KANK4: variants seen among roughly 807,000 people sequenced by gnomAD.
KANK4 encodes the protein KN motif and ankyrin repeat domain-containing protein 4.
Under a neutral mutation model 80.8 loss-of-function variants are expected in KANK4, and 50 were observed. The ratio of observed to expected loss-of-function variants is 0.62; its 90% CI spans 0.49 to 0.78. KANK4 has a LOEUF of 0.78. Among genes scored for constraint, KANK4 ranks in the 30% least tolerant of loss-of-function variants. The probability of loss-of-function intolerance (pLI) is 0.00; values close to 1 mark genes in which losing one functional copy is unlikely to be tolerated. For synonymous variants in KANK4, 465 were observed against 506.9 expected, an observed-to-expected ratio of 0.92 and a Z score of 1.11; for missense variants, 1,196 against 1,240.1, an observed-to-expected ratio of 0.96 and a Z score of 0.53.
At chr1:62,252,542 C>T (rs906108496) in intron 8 of KANK4, among the ~76,000 whole-genome samples, 3 of 152,220 alleles carry the variant, frequency 2.0e-5, no homozygotes, top group Non-Finnish European at 4.4e-5. Context: ...ATCCTCACAC[C>T]CCTAGGAATG....
chr1:62,281,655 G>A, intron 1 of KANK4, 21 bp from the exon 2 acceptor site: 4 of 1,411,438 alleles, frequency 2.8e-6, no homozygotes, highest in Non-Finnish European at 4.0e-6. Context: ...GGAGGATACA[G>A]AAGTGGTGAG....
At chr1:62,314,297 G>A (rs537636596) in intron 1 of KANK4, among the ~76,000 whole-genome samples, 2 of 152,276 alleles carry the variant, frequency 1.3e-5, no homozygotes, top group East Asian at 3.9e-4. Flanking sequence ...TAAGGTGTGA[G>A]CCACTGCGCC....
chr1:62,254,073 G>A (rs934058786), intron 7 of KANK4, among the ~76,000 whole-genome samples: 1 of 152,156 alleles, frequency 6.6e-6, no homozygotes, highest in African/African-American at 2.4e-5. Flanking sequence ...GGGCCTAGGG[G>A]TCTACTGTGC....
intron 9 of KANK4, among the ~76,000 whole-genome samples, chr1:62,246,107 G>T (rs1671459987): frequency 6.6e-6 from 1 of 152,096 alleles, no homozygotes; most frequent in Non-Finnish European, 1.5e-5. Flanking sequence ...ATTGTTGTGG[G>T]GTTTAAATGA....
At chr1:62,246,552 C>T (rs1049178704) in intron 9 of KANK4, among the ~76,000 whole-genome samples, 1 of 152,062 alleles carries the variant, frequency 6.6e-6, no homozygotes. Context: ...GTGGGTTTCA[C>T]GGCTCTAAGA....
At chr1:62,283,300 A>C (rs768479857) in intron 1 of KANK4, among the ~76,000 whole-genome samples, 7 of 152,138 alleles carry the variant, frequency 4.6e-5, no homozygotes, top group Non-Finnish European at 8.8e-5. Context: ...AGTACTTGAC[A>C]TTCATGAATT....
At chr1:62,282,511 G>C (rs886783165) in intron 1 of KANK4, among the ~76,000 whole-genome samples, 4 of 152,136 alleles carry the variant, frequency 2.6e-5, no homozygotes, top group East Asian at 3.9e-4. Flanking sequence ...GACCAGGAAA[G>C]TGAACCAGTG....
chr1:62,316,535 C>T (rs985582042), intron 1 of KANK4, among the ~76,000 whole-genome samples: 5 of 152,150 alleles, frequency 3.3e-5, no homozygotes, highest in African/African-American at 9.7e-5. Flanking sequence ...AGGCAGTCAT[C>T]GCACCTCACT....
intron 1 of KANK4, among the ~76,000 whole-genome samples, chr1:62,293,159 C>T (rs1672721247): frequency 6.6e-6 from 1 of 151,916 alleles, no homozygotes; most frequent in African/African-American, 2.4e-5. Context: ...ACAATCTCGG[C>T]TCACTGCAAC....
chr1:62,293,097 TG>T (rs1672719142), intron 1 of KANK4, among the ~76,000 whole-genome samples: 1 of 138,960 alleles, frequency 7.2e-6, no homozygotes. Context: ...TGTGTGTGTG[TG>T]TGTGTGTGAG....
chr1:62,314,699 TA>T (rs5774601), intron 1 of KANK4, among the ~76,000 whole-genome samples: 80,989 of 148,498 alleles, frequency 0.55, 22,570 homozygotes, highest in South Asian at 0.65. Flanking sequence ...ACAGCCACAT[TA>T]AAAAAAAAAA....
intron 1 of KANK4, among the ~76,000 whole-genome samples, chr1:62,308,486 G>A (rs997963503): frequency 6.6e-6 from 1 of 152,074 alleles, no homozygotes; most frequent in Admixed American, 6.6e-5. Flanking sequence ...CCAGGAGCCT[G>A]GGCCAGGTGC....
chr1:62,303,948 A>G (rs1387909885), intron 1 of KANK4, among the ~76,000 whole-genome samples: 2 of 151,750 alleles, frequency 1.3e-5, no homozygotes, highest in Non-Finnish European at 2.9e-5. Context: ...ATCTCAGCTC[A>G]CTGGAACTTC....
At chr1:62,311,026 G>A (rs941280363) in intron 1 of KANK4, among the ~76,000 whole-genome samples, 2 of 152,006 alleles carry the variant, frequency 1.3e-5, no homozygotes, top group Admixed American at 6.6e-5. Context: ...GTGGGTTAAG[G>A]GTGGGAGGGG....
rs535131269 is a variant in KANK4 at position 62,288,875 on chromosome 1, T to C, written c.-70-7241A>G. ...CCAATTGCCAAATGAGGAAGTGGTA[T>C]GAGCAGGCAATTCATCAAAGAAGAA... On this transcript the variant is annotated intron_variant, in intron 1 of 9. Coordinates refer to ENST00000371153, the MANE Select transcript of KANK4 (RefSeq NM_181712.5). 3.0e-3 allele frequency among the ~76,000 whole-genome samples: 451 copies of C among 152,324 alleles called. 3 individuals are homozygous for C. Among genetic ancestry groups the C allele is most frequent in the Non-Finnish European group, 3.3e-3 (226 of 68,032 alleles).
chr1:62,263,343 G>T (rs2262106), intron 6 of KANK4, 32 bp from the exon 7 acceptor site: 1 of 1,572,394 alleles, frequency 6.4e-7, no homozygotes, highest in Non-Finnish European at 8.7e-7. Flanking sequence ...ATTCCAAGAG[G>T]TTCCCCGGCC....
chr1:62,292,860 G>A (rs897327688), intron 1 of KANK4, among the ~76,000 whole-genome samples: 3 of 152,224 alleles, frequency 2.0e-5, no homozygotes, highest in East Asian at 3.9e-4. Context: ...TTGAGACCTT[G>A]GGCAAGTTAA....
At chr1:62,269,664 C>T (rs562297690) in intron 4 of KANK4, among the ~76,000 whole-genome samples, 1 of 152,150 alleles carries the variant, frequency 6.6e-6, no homozygotes, top group Non-Finnish European at 1.5e-5. Context: ...ATGCCAGGCG[C>T]AGTTCTAAAT....
rs377253083 is a variant in KANK4 at position 62,274,551 on chromosome 1, G to A, written c.553C>T (p.Pro185Ser). ...AGGGGAGGGAGGGCAGGAGGGGCAG[G>A]GGGCCCCAGGCTCAGGCCTGGCTCC... ...SEEPGLSLGP[P>S]APPALPPLQG... is the part of the protein sequence containing the mutation. The change falls in exon 3 of 10, where the codon CCT becomes TCT. Residue 185 changes from proline (P) to serine (S), a missense_variant. Pro to Ser is a moderately conservative substitution (Grantham distance 74). Around this residue, in one of 3 missense-constraint regions of KANK4, gnomAD observed 1,154 missense variants for 1,179.6 expected, o/e 0.98. Transcript: ENST00000371153. The A allele has an allele frequency of 5.0e-6, 8 of 1,613,980 alleles. No homozygotes were observed. The highest frequency in any genetic ancestry group is 5.9e-6 in the Non-Finnish European group (7 of 1,179,964).
Sources: allele counts gnomAD v4.1 joint callset (sites outside exome capture counted in the v4.1 genomes callset), GRCh38; gene constraint gnomAD v4.1.1; regional missense constraint gnomAD v4.1.1; transcripts MANE v1.5; gene names NCBI Gene and HGNC (gene_info 2026-07-23, HGNC 2026-07-21).